ADCK1: variants seen among roughly 807,000 people sequenced by gnomAD.
The protein encoded by ADCK1 is aarF domain containing kinase 1, also known as aarF domain-containing protein kinase 1.
A neutral mutation model predicts 52.3 loss-of-function variants in ADCK1; 41 were observed. The ratio of observed to expected loss-of-function variants is 0.78; its 90% CI spans 0.61 to 1.02. ADCK1 has a LOEUF of 1.02. ADCK1 is among the 50% of genes least tolerant of loss of function. ADCK1 has a pLI of 0.00. For missense variants in ADCK1, 658 were observed against 679.5 expected (o/e 0.97, Z 0.35); for synonymous variants, 250 against 274.6 (o/e 0.91, Z 0.89).
intron 7 of ADCK1, among the ~76,000 whole-genome samples, chr14:77,918,231 C>T (rs1466347136): frequency 6.6e-6 from 1 of 152,200 alleles, no homozygotes; most frequent in African/African-American, 2.4e-5. Flanking sequence ...TATGGGGGAA[C>T]TTACAAGACA....
chr14:77,807,139 G>A (rs1212219722), intron 1 of ADCK1, among the ~76,000 whole-genome samples: 1 of 143,494 alleles, frequency 7.0e-6, no homozygotes, highest in Non-Finnish European at 1.5e-5. Context: ...CGGGATCTCG[G>A]CTCACTGCAA....
intron 7 of ADCK1, among the ~76,000 whole-genome samples, chr14:77,920,578 T>A (rs1222412216): frequency 6.6e-6 from 1 of 152,204 alleles, no homozygotes; most frequent in Non-Finnish European, 1.5e-5. Flanking sequence ...TTTGGCTATG[T>A]GGACTTGCCC....
intron 4 of ADCK1, among the ~76,000 whole-genome samples, chr14:77,881,214 G>C (rs1444586565): frequency 6.6e-6 from 1 of 152,270 alleles, no homozygotes; most frequent in Non-Finnish European, 1.5e-5. Context: ...TCCTATGGAG[G>C]CCTGGCAGGG....
At chr14:77,845,282 C>T (rs758558130) in intron 3 of ADCK1, among the ~76,000 whole-genome samples, 2 of 152,230 alleles carry the variant, frequency 1.3e-5, no homozygotes, top group Non-Finnish European at 2.9e-5. Flanking sequence ...CCTTTCTGAG[C>T]CTTAACTTCA....
intron 3 of ADCK1, among the ~76,000 whole-genome samples, chr14:77,851,182 A>G (rs1246329634): frequency 6.6e-6 from 1 of 151,674 alleles, no homozygotes; most frequent in Non-Finnish European, 1.5e-5. Flanking sequence ...CAGTGGCACA[A>G]TCTTGGCTCA....
At chr14:77,918,562 C>T (rs1403774954) in intron 7 of ADCK1, among the ~76,000 whole-genome samples, 2 of 152,166 alleles carry the variant, frequency 1.3e-5, no homozygotes, top group Non-Finnish European at 2.9e-5. Context: ...GAGAGAGGGT[C>T]GTGTGCCCAG....
intron 2 of ADCK1, 78 bp downstream of exon 2, chr14:77,819,191 T>G (rs992488780): frequency 7.6e-6 from 12 of 1,578,418 alleles, no homozygotes; most frequent in Non-Finnish European, 1.0e-5. Flanking sequence ...CAGATAGACA[T>G]GCCTGCTATG....
chr14:77,848,957 C>A (rs2082227441), intron 3 of ADCK1, among the ~76,000 whole-genome samples: 1 of 152,070 alleles, frequency 6.6e-6, no homozygotes, highest in South Asian at 2.1e-4. Flanking sequence ...TCCTGAGTAG[C>A]TGGGACTACA....
intron 4 of ADCK1, among the ~76,000 whole-genome samples, chr14:77,860,739 A>T (rs919352018): frequency 3.3e-5 from 5 of 152,202 alleles, no homozygotes; most frequent in Non-Finnish European, 7.3e-5. Context: ...TGGCCCACTC[A>T]TGGCTTTGCC....
rs1170770508 is a variant in ADCK1 at position 77,923,268 on chromosome 14, AAG to A, written c.859-1182_859-1181del. ...GTGATGCTGATCTGGGATGGGAAGG[AAG>A]AGAGAGGGTAAGCCAGGTGAAGGGG... On this transcript the variant is annotated intron_variant, in intron 7 of 10. Transcript: ENST00000238561. The surrounding 1 kb of genome is among the most constrained non-coding windows in gnomAD (Gnocchi z 4.3). 1.3e-5 allele frequency: 2 copies of A among 152,268 alleles called. No homozygotes were observed. The highest frequency in any genetic ancestry group is 2.4e-5 in the African/African-American group (1 of 41,442). The allele number at this position is 152,268 out of a possible 1,614,324, so 9.4% of individuals were successfully genotyped here.
intron 1 of ADCK1, among the ~76,000 whole-genome samples, chr14:77,808,641 T>TG (rs2081277546): frequency 6.6e-6 from 1 of 152,138 alleles, no homozygotes; most frequent in Non-Finnish European, 1.5e-5. Flanking sequence ...AATGGCGTGA[T>TG]CTCAGCTCAC....
At chr14:77,840,452 G>T (rs1401681957) in intron 3 of ADCK1, among the ~76,000 whole-genome samples, 1 of 151,914 alleles carries the variant, frequency 6.6e-6, no homozygotes, top group Non-Finnish European at 1.5e-5. Flanking sequence ...CCATCTCCCT[G>T]GCTCTCTTCT....
At chr14:77,876,111 C>G (rs2082893493) in intron 4 of ADCK1, among the ~76,000 whole-genome samples, 1 of 152,200 alleles carries the variant, frequency 6.6e-6, no homozygotes, top group South Asian at 2.1e-4. Context: ...TGGTTTCAGT[C>G]AACACACATT....
intron 6 of ADCK1, chr14:77,900,674 GGT>G: frequency 4.5e-6 from 2 of 444,544 alleles, no homozygotes; most frequent in South Asian, 3.3e-5. Flanking sequence ...GCGATGTCGA[GGT>G]GTGTTTGTTT....
chr14:77,802,825 G>C (rs1457760907), intron 1 of ADCK1, among the ~76,000 whole-genome samples: 1 of 152,074 alleles, frequency 6.6e-6, no homozygotes, highest in African/African-American at 2.4e-5. Context: ...GTGGTGCCGG[G>C]TGCCTGTAGT....
At chr14:77,850,213 C>T (rs1056016659) in intron 3 of ADCK1, among the ~76,000 whole-genome samples, 1 of 151,696 alleles carries the variant, frequency 6.6e-6, no homozygotes, top group African/African-American at 2.4e-5. Flanking sequence ...TCTCAAAAAA[C>T]AAACAGAAAG....
At chr14:77,901,108 G>A (rs1015388461) in intron 6 of ADCK1, among the ~76,000 whole-genome samples, 2 of 150,308 alleles carry the variant, frequency 1.3e-5, no homozygotes, top group African/African-American at 2.5e-5. Flanking sequence ...GCAGTGGCGC[G>A]ATCTCAGCTC....
At position 77,923,794 on chromosome 14, in the gene ADCK1, A is replaced by G. The variant is rs2084117781; in HGVS notation, c.859-663A>G. On this transcript the variant is annotated intron_variant, in intron 7 of 10. Coordinates refer to ENST00000238561, the MANE Select transcript of ADCK1 (RefSeq NM_020421.4). This position sits in a 1 kb window ranked among gnomAD's most constrained non-coding sequence, Gnocchi z 4.3. ...CCTCGTCAGGGAGAGCAGCAGTGAC[A>G]GGATGATTTAAACGGCTTCTCTAGT... 2.0e-5 allele frequency: 3 copies of G among 152,336 alleles called. No homozygotes were observed. Among genetic ancestry groups the G allele is most frequent in the South Asian group, 2.1e-4 (1 of 4,828 alleles). 9.4% of individuals were successfully genotyped at this position (152,336 alleles called of 1,614,324 possible). A position where few individuals can be genotyped will look rare whatever the true frequency, so the allele number is the denominator to read the frequency against.
chr14:77,918,306 G>T (rs946845457), intron 7 of ADCK1, among the ~76,000 whole-genome samples: 1 of 152,174 alleles, frequency 6.6e-6, no homozygotes, highest in African/African-American at 2.4e-5. Context: ...AGTTCATATC[G>T]TATTTTCACT....
Sources: allele counts gnomAD v4.1 joint callset (sites outside exome capture counted in the v4.1 genomes callset), GRCh38; gene constraint gnomAD v4.1.1; non-coding constraint Gnocchi (gnomAD v3.1); transcripts MANE v1.5; gene names NCBI Gene and HGNC (gene_info 2026-07-23, HGNC 2026-07-21).